CACNA1C: variants seen among roughly 807,000 people sequenced by gnomAD.
The protein encoded by CACNA1C is calcium voltage-gated channel subunit alpha1 C.
Under a neutral mutation model 229.0 loss-of-function variants are expected in CACNA1C, and 30 were observed. The ratio of observed to expected loss-of-function variants is 0.13; its 90% CI spans 0.10 to 0.18. CACNA1C has a LOEUF of 0.18. CACNA1C is among the 10% of genes least tolerant of loss of function. The probability of loss-of-function intolerance (pLI) is 1.00; values close to 1 mark genes in which losing one functional copy is unlikely to be tolerated. For missense variants in CACNA1C, 1,658 were observed against 2,845.0 expected (o/e 0.58, Z 9.49); for synonymous variants, 1,114 against 1,132.5 (o/e 0.98, Z 0.33).
chr12:2,667,283 C>T (rs571995220), intron 37 of CACNA1C, among the ~76,000 whole-genome samples: 9,521 of 126,520 alleles, frequency 0.075, 361 homozygotes, highest in African/African-American at 0.14. Context: ...ATGGCCACTC[C>T]ACGCTCCTTT....
Position 1,996,646 on chromosome 12 carries a change from AAAAAAAAAAC to A in CACNA1C, c.139+25448_139+25457del, listed in dbSNP as rs1316831977. Among the ~76,000 whole-genome samples, 242 of 57,462 alleles carry A rather than the reference AAAAAAAAAAC, an allele frequency of 4.2e-3. 13 individuals are homozygous for A. The highest frequency in any genetic ancestry group is 0.012 in the African/African-American group (145 of 11,660). 37.7% of individuals were successfully genotyped at this position (57,462 alleles called of 152,430 possible). Reference sequence around the variant, plus strand: ...AAAAAAAAAAAAAAAAAAAAAAAAAAAAAAAAAAACAACAAACTCTTCTAATGTTTTAAAG... The same window carrying A: ...AAAAAAAAAAAAAAAAAAAAAAAAAAAACAAACTCTTCTAATGTTTTAAAG... On this transcript the variant is annotated intron_variant, in intron 1 of 46. Transcript: ENST00000682462.
chr12:2,487,453 G>A (rs866270943), intron 6 of CACNA1C, among the ~76,000 whole-genome samples: 2 of 144,214 alleles, frequency 1.4e-5, no homozygotes, highest in Non-Finnish European at 1.5e-5. Context: ...TAGTATGACC[G>A]GATGGATTAA....
At chr12:2,522,677 T>C (rs897935134) in intron 9 of CACNA1C, among the ~76,000 whole-genome samples, 13 of 152,260 alleles carry the variant, frequency 8.5e-5, no homozygotes, top group African/African-American at 3.1e-4. Flanking sequence ...TTTTAGATTC[T>C]GAGTTTGGAT....
chr12:1,996,631 AAAAAAAAAAAAAAAAAAAAAAAAACAAC>A (rs1300880175), intron 1 of CACNA1C, among the ~76,000 whole-genome samples: 7 of 107,822 alleles, frequency 6.5e-5, no homozygotes, highest in African/African-American at 2.0e-4. Flanking sequence ...AAAAAAAAAA[AAAAAAAAAAAAAAAAAAAAAAAAACAAC>A]AAACTCTTCT....
intron 19 of CACNA1C, 73 bp downstream of exon 19, chr12:2,593,418 C>T: frequency 3.3e-6 from 5 of 1,523,284 alleles, no homozygotes; most frequent in Non-Finnish European, 4.5e-6. Flanking sequence ...TGTATTTTAC[C>T]TGAACCTCTG....
intron 3 of CACNA1C, among the ~76,000 whole-genome samples, chr12:2,384,902 G>A (rs2098342045): frequency 6.6e-6 from 1 of 152,224 alleles, no homozygotes; most frequent in Admixed American, 6.5e-5. Flanking sequence ...TAGTTATCCA[G>A]AAGGTACGTC....
chr12:2,450,955 C>T (rs1389379449), intron 4 of CACNA1C, among the ~76,000 whole-genome samples: 1 of 152,158 alleles, frequency 6.6e-6, no homozygotes, highest in Non-Finnish European at 1.5e-5. Flanking sequence ...AAGTTATTTC[C>T]TTGTCTCTGG....
intron 3 of CACNA1C, 38 bp downstream of exon 3, chr12:2,120,468 G>T: frequency 9.0e-7 from 1 of 1,111,528 alleles, no homozygotes; most frequent in Non-Finnish European, 1.4e-6. Flanking sequence ...TTTTTCACTC[G>T]ATGGAGAACT....
intron 3 of CACNA1C, among the ~76,000 whole-genome samples, chr12:2,211,050 C>T (rs1245227369): frequency 6.6e-6 from 1 of 152,172 alleles, no homozygotes; most frequent in East Asian, 1.9e-4. Context: ...GTTCTATTCT[C>T]TAGTTAGTGT....
At chr12:2,533,198 G>A (rs957765259) in intron 9 of CACNA1C, among the ~76,000 whole-genome samples, 2 of 152,272 alleles carry the variant, frequency 1.3e-5, no homozygotes, top group Middle Eastern at 3.4e-3. Flanking sequence ...TGCACTTTTG[G>A]TTTGGGGTCG....
rs1367551902 is a variant in CACNA1C at position 2,665,270 on chromosome 12, T to C, written c.4398+280T>C. ...ACATGTGGGGGCCTAGAAAGAACTG[T>C]ACTTTTTTGGCATCTTGCTGAGGAG... On this transcript the variant is annotated intron_variant, in intron 35 of 46. Coordinates refer to ENST00000399655, the MANE Select transcript of CACNA1C (RefSeq NM_000719.7). The surrounding 1 kb of genome is among the most constrained non-coding windows in gnomAD (Gnocchi z 5.9). 6.6e-6 allele frequency among the ~76,000 whole-genome samples: 1 copy of C among 152,198 alleles called. No homozygotes were observed. Among genetic ancestry groups the C allele is most frequent in the Non-Finnish European group, 1.5e-5 (1 of 68,032 alleles).
chr12:2,612,181 C>A, intron 29 of CACNA1C, 168 bp downstream of exon 29: 1 of 581,536 alleles, frequency 1.7e-6, no homozygotes, highest in African/African-American at 1.9e-5. Flanking sequence ...CTGCCCAGAG[C>A]TGAACCAGGC....
intron 3 of CACNA1C, among the ~76,000 whole-genome samples, chr12:2,178,758 C>T (rs2096743583): frequency 1.3e-5 from 2 of 152,104 alleles, no homozygotes; most frequent in Admixed American, 6.6e-5. Flanking sequence ...TTCACAGACC[C>T]TGAGAAGAAA....
At position 2,410,048 on chromosome 12, in the gene CACNA1C, C is replaced by G. The variant is rs1281853090; in HGVS notation, c.478-38928C>G. ...ATTTTCGCTCGGGGTGGGAATGAATCATCCTCACCTGCCAGCCGCGGGCCT... is the reference window on the plus strand; with the variant it reads ...ATTTTCGCTCGGGGTGGGAATGAATGATCCTCACCTGCCAGCCGCGGGCCT... On this transcript the variant is annotated intron_variant, in intron 3 of 46. Coordinates refer to ENST00000399655, the MANE Select transcript of CACNA1C (RefSeq NM_000719.7). This position sits in a 1 kb window ranked among gnomAD's most constrained non-coding sequence, Gnocchi z 5.3. Among the ~76,000 whole-genome samples, 1 of 152,200 alleles carries G rather than the reference C, an allele frequency of 6.6e-6. No individual in the cohort carries two copies. Among genetic ancestry groups the G allele is most frequent in the Non-Finnish European group, 1.5e-5 (1 of 68,022 alleles).
At chr12:2,557,060 C>T (rs2044730831) in intron 11 of CACNA1C, 83 bp downstream of exon 11, 12 of 1,120,536 alleles carry the variant, frequency 1.1e-5, no homozygotes, top group Non-Finnish European at 1.6e-5. Flanking sequence ...CAAGGTAATA[C>T]CTACAAGTTG....
chr12:2,633,353 C>A lies in CACNA1C; in HGVS notation c.3829-944C>A, dbSNP rs189783034. On this transcript the variant is annotated intron_variant, in intron 29 of 46. Coordinates refer to ENST00000399655, the MANE Select transcript of CACNA1C (RefSeq NM_000719.7). This position sits in a 1 kb window ranked among gnomAD's most constrained non-coding sequence, Gnocchi z 5.8. ...ACACCCACTCCTGCCCCTGGTGGGACGTGGACAGGGCCTCTGTGGAGAAGG... is the reference window on the plus strand; with the variant it reads ...ACACCCACTCCTGCCCCTGGTGGGAAGTGGACAGGGCCTCTGTGGAGAAGG... Among the ~76,000 whole-genome samples the A allele has an allele frequency of 1.3e-5, 2 of 152,172 alleles. No homozygotes were observed. Among genetic ancestry groups the A allele is most frequent in the Admixed American group, 6.5e-5 (1 of 15,278 alleles).
At chr12:2,668,888 G>A (rs1181714327) in intron 37 of CACNA1C, 45 bp from the exon 38 acceptor site, 1 of 1,333,634 alleles carries the variant, frequency 7.5e-7, no homozygotes, top group East Asian at 2.3e-5. Context: ...GGTCCCCTAA[G>A]CACCGCCTGC....
At chr12:2,278,533 G>A (rs1023822916) in intron 3 of CACNA1C, among the ~76,000 whole-genome samples, 4 of 152,022 alleles carry the variant, frequency 2.6e-5, no homozygotes, top group African/African-American at 9.7e-5. Context: ...CCTTCATTCA[G>A]CATAATTATT....
intron 1 of CACNA1C, chr12:2,004,595 G>T: frequency 9.8e-7 from 1 of 1,020,552 alleles, no homozygotes; most frequent in Non-Finnish European, 1.4e-6. Flanking sequence ...ACAGACGCAA[G>T]GCCTCACTAA....
Sources: gnomAD v4.1 joint callset for allele counts (sites outside exome capture counted in the v4.1 genomes callset) on GRCh38, gnomAD v4.1.1 for gene constraint, Gnocchi (gnomAD v3.1) non-coding constraint, MANE v1.5 for transcripts, NCBI Gene and HGNC (gene_info 2026-07-23, HGNC 2026-07-21) for gene names.